The following TSHR variants were observed in gnomAD, a reference collection of about 807,000 sequenced individuals.
The protein encoded by TSHR is thyrotropin receptor.
In TSHR, 51 loss-of-function variants were observed where a neutral mutation model predicts 64.1. The ratio of observed to expected loss-of-function variants is 0.80; its 90% CI spans 0.64 to 1.01. TSHR has a LOEUF of 1.01. TSHR is among the 50% of genes least tolerant of loss of function. TSHR has a pLI of 0.00. For missense variants in TSHR, 877 were observed against 942.8 expected, an observed-to-expected ratio of 0.93 and a Z score of 0.91; for synonymous variants, 361 against 361.9, an observed-to-expected ratio of 1.00 and a Z score of 0.03.
chr14:81,051,534 G>A (rs1002610479), intron 1 of TSHR: 1 of 152,072 alleles, frequency 6.6e-6, no homozygotes, highest in African/African-American at 2.4e-5. Flanking sequence ...CGTTTCTTCA[G>A]CTTACTGATT....
chr14:80,988,272 G>A (rs1888569041), intron 1 of TSHR, among the ~76,000 whole-genome samples: 1 of 150,456 alleles, frequency 6.6e-6, no homozygotes, highest in South Asian at 2.1e-4. Flanking sequence ...ACAGAGTTAT[G>A]CAACCTGTAC....
chr14:81,142,784 A>AT (rs1176133342), intron 9 of TSHR, among the ~76,000 whole-genome samples, 156 bp from the exon 10 acceptor site: 7 of 151,364 alleles, frequency 4.6e-5, no homozygotes, highest in African/African-American at 1.5e-4. Flanking sequence ...CAATGTTTGC[A>AT]TTTTTTATAG....
At chr14:81,104,789 A>C in intron 7 of TSHR, 3 of 985,408 alleles carry the variant, frequency 3.0e-6, no homozygotes, top group Non-Finnish European at 3.6e-6. Flanking sequence ...AGGGCTTCTT[A>C]ACTCCATGTA....
chr14:81,037,356 C>CA (rs1205926358), intron 1 of TSHR, among the ~76,000 whole-genome samples: 56 of 145,142 alleles, frequency 3.9e-4, no homozygotes, highest in East Asian at 1.4e-3. Context: ...TTTATCACTA[C>CA]AAAAAAAATC....
At chr14:81,106,705 G>T (rs1889915482) in intron 7 of TSHR, among the ~76,000 whole-genome samples, 1 of 152,076 alleles carries the variant, frequency 6.6e-6, no homozygotes, top group African/African-American at 2.4e-5. Flanking sequence ...AGCACTTTGG[G>T]AGGCCGAGTT....
intron 1 of TSHR, among the ~76,000 whole-genome samples, chr14:80,996,654 C>A (rs1302858910): frequency 2.0e-5 from 3 of 152,106 alleles, no homozygotes; most frequent in Non-Finnish European, 4.4e-5. Flanking sequence ...GCAGTGGCAC[C>A]ACTACGAATT....
chr14:81,120,959 A>G (rs1053221144), intron 8 of TSHR, among the ~76,000 whole-genome samples: 1 of 152,126 alleles, frequency 6.6e-6, no homozygotes, highest in Middle Eastern at 3.2e-3. Context: ...GTTGTTAAAG[A>G]TAAAGGGAAA....
chr14:80,960,385 C>A (rs1172849384), intron 1 of TSHR, among the ~76,000 whole-genome samples: 1 of 152,236 alleles, frequency 6.6e-6, no homozygotes, highest in East Asian at 1.9e-4. Flanking sequence ...CACGTGCTCC[C>A]CAAACACAGC....
intron 1 of TSHR, among the ~76,000 whole-genome samples, chr14:81,034,034 G>A (rs28478356): frequency 4.6e-5 from 7 of 151,910 alleles, no homozygotes; most frequent in East Asian, 1.9e-4. Context: ...AAGACCTATC[G>A]GCCTGGAGCT....
chr14:81,108,499 T>TC (rs1482108042), intron 8 of TSHR, 47 bp downstream of exon 8: 5 of 1,593,556 alleles, frequency 3.1e-6, no homozygotes, highest in Admixed American at 3.6e-5. Flanking sequence ...TTTTTCTTTT[T>TC]TTTTTTTTGG....
intron 1 of TSHR, among the ~76,000 whole-genome samples, chr14:80,990,811 C>T (rs1200974990): frequency 1.3e-5 from 2 of 152,130 alleles, no homozygotes; most frequent in African/African-American, 4.8e-5. Context: ...CCCACCACCA[C>T]TCCTGGCTAA....
intron 3 of TSHR, among the ~76,000 whole-genome samples, chr14:81,073,140 T>C (rs891186902): frequency 6.8e-6 from 1 of 147,826 alleles, no homozygotes; most frequent in Non-Finnish European, 1.5e-5. Flanking sequence ...TCATAAAGAT[T>C]AAAGGAATTA....
intron 3 of TSHR, among the ~76,000 whole-genome samples, chr14:81,075,187 C>A (rs1215230865): frequency 6.6e-6 from 1 of 152,198 alleles, no homozygotes; most frequent in Admixed American, 6.5e-5. Context: ...AAGCTATAAC[C>A]AATCTAGCTG....
intron 7 of TSHR, 89 bp from the exon 8 acceptor site, chr14:81,108,286 C>T: frequency 9.0e-7 from 1 of 1,110,794 alleles, no homozygotes; most frequent in Non-Finnish European, 1.4e-6. Context: ...ACTATGGTCA[C>T]ATTTTATTCT....
intron 8 of TSHR, among the ~76,000 whole-genome samples, chr14:81,138,252 G>A (rs183968549): frequency 1.1e-3 from 158 of 146,914 alleles, no homozygotes; most frequent in African/African-American, 3.8e-3. Context: ...GTACAATGGC[G>A]TGGTCTCAGC....
intron 1 of TSHR, among the ~76,000 whole-genome samples, chr14:81,005,858 T>C (rs1230059909): frequency 6.6e-6 from 1 of 152,234 alleles, no homozygotes. Flanking sequence ...GAACAAAACA[T>C]TTAATAGTAA....
chr14:81,042,277 C>T (rs1884959036), intron 1 of TSHR, among the ~76,000 whole-genome samples: 1 of 152,122 alleles, frequency 6.6e-6, no homozygotes, highest in African/African-American at 2.4e-5. Flanking sequence ...ATCCAGCAAG[C>T]TCACTATTGT....
intron 1 of TSHR, among the ~76,000 whole-genome samples, chr14:81,017,113 C>A (rs930053859): frequency 7.9e-5 from 12 of 152,158 alleles, no homozygotes; most frequent in Non-Finnish European, 1.0e-4. Context: ...TGCAATCAGA[C>A]CTTGCAATGA....
rs182122207 is a variant in TSHR at position 81,066,065 on chromosome 14, T to G, written c.243-2189T>G. 1.2e-3 allele frequency among the ~76,000 whole-genome samples: 189 copies of G among 152,196 alleles called. 1 individual carries two copies. Among genetic ancestry groups the G allele is most frequent in the Non-Finnish European group, 2.1e-3 (143 of 68,006 alleles). The stretch of plus-strand genomic sequence containing the variant: ...AGTAAGCAGGGAATCACAATTTTTA[T>G]CCCCCTGAATAAACGATTCCTGCCA... On this transcript the variant is annotated intron_variant, in intron 2 of 9. Transcript: ENST00000298171.
Sources: allele counts gnomAD v4.1 joint callset (sites outside exome capture counted in the v4.1 genomes callset), GRCh38; gene constraint gnomAD v4.1.1; transcripts MANE v1.5; gene names NCBI Gene and HGNC (gene_info 2026-07-23, HGNC 2026-07-21).